The following ZNF638 variants were observed in gnomAD, a reference collection of about 807,000 sequenced individuals.
ZNF638 encodes the protein CTCL tumor antigen se33-1.
ZNF638 carries 46 observed loss-of-function variants against 195.6 expected under a neutral mutation model. The ratio of observed to expected loss-of-function variants is 0.24; its 90% CI spans 0.19 to 0.30. ZNF638 has a LOEUF of 0.30. Among genes scored for constraint, ZNF638 ranks in the 10% least tolerant of loss-of-function variants. ZNF638 has a pLI of 1.00. For missense variants in ZNF638, 2,440 were observed against 2,325.3 expected, an observed-to-expected ratio of 1.05 and a Z score of -1.01; for synonymous variants, 845 against 772.0, an observed-to-expected ratio of 1.09 and a Z score of -1.57.
In ZNF638 at chr2:71,380,276, T is replaced by A; in HGVS notation, c.2320T>A (p.Leu774Ile). The A allele has an allele frequency of 6.4e-7, 1 of 1,561,346 alleles. No homozygotes were observed. The highest frequency in any genetic ancestry group is 1.4e-5 in the African/African-American group (1 of 72,410). Residue 774 changes from leucine to isoleucine, a missense_variant, in exon 9 of 28, where the codon TTA becomes ATA. Physicochemically the swap from Leu to Ile is conservative, Grantham distance 5 (BLOSUM62 2). This residue lies in a region of ZNF638 where 1,883 missense variants were observed against 1,739.1 expected (regional missense o/e 1.08). Transcript: ENST00000264447. ...LESKKVSAST[L>I]KRDADASKAV... is the part of the protein sequence containing the mutation. Reference sequence around the variant, plus strand: ...GTCAAAGAAAGTATCTGCATCTACCTTAAAGTAAGTGACTTTATGATTTCA... The same window carrying A: ...GTCAAAGAAAGTATCTGCATCTACCATAAAGTAAGTGACTTTATGATTTCA...
chr2:71,403,876 A>G lies in ZNF638; in HGVS notation c.2836A>G (p.Ile946Val), dbSNP rs765009972. The part of the protein sequence containing the change: ...LILSSHKKAY[I>V]EINRKAAESM... Reference sequence around the variant, plus strand: ...TTAATTTCTGTTTTAAAAGGCATATATAGAAATAAATAGAAAAGCTGCTGA... The same window carrying G: ...TTAATTTCTGTTTTAAAAGGCATATGTAGAAATAAATAGAAAAGCTGCTGA... Residue 946 changes from isoleucine (I) to valine (V), a missense_variant, in exon 17 of 28, where the codon ATA becomes GTA. By Grantham distance (29) the Ile-to-Val change is conservative. Transcript: ENST00000264447. 53 of 1,563,030 alleles carry G rather than the reference A, an allele frequency of 3.4e-5. No individual in the cohort carries two copies. Among genetic ancestry groups the G allele is most frequent in the Non-Finnish European group, 8.7e-7 (1 of 1,146,920 alleles).
At position 71,427,097 on chromosome 2, in the gene ZNF638, G is replaced by A; in HGVS notation, c.5228G>A (p.Ser1743Asn). 1.9e-6 allele frequency: 3 copies of A among 1,614,150 alleles called. No individual in the cohort carries two copies. The highest frequency in any genetic ancestry group is 2.2e-5 in the South Asian group (2 of 91,078). ...LVTVDEIQDD[S>N]SDLHLVTLDE... ...ACTGTAGATGAAATACAAGATGACA[G>A]CAGTGATTTGCATTTAGTGACTTTG... Residue 1743 changes from serine to asparagine, a missense_variant, in exon 24 of 28, where the codon AGC becomes AAC. Around this residue, in one of 5 missense-constraint regions of ZNF638, gnomAD observed 1,883 missense variants for 1,739.1 expected, o/e 1.08. Transcript: ENST00000264447.
chr2:71,400,101 A>AT lies in ZNF638; in HGVS notation c.2588-8dup, dbSNP rs774848411. Reference sequence around the variant, plus strand: ...TTTTACTAGACTATTAAAGCAGACTATTTCATGCAGAAAACTCTGAAATAA... The same window carrying AT: ...TTTTACTAGACTATTAAAGCAGACTATTTTCATGCAGAAAACTCTGAAATAA... On this transcript the variant is annotated splice_polypyrimidine_tract_variant and intron_variant, in intron 13 of 27. Transcript: ENST00000264447. 22 of 1,597,148 alleles carry AT rather than the reference A, an allele frequency of 1.4e-5. No individual in the cohort carries two copies. The East Asian group carries it at 4.7e-4, about 34-fold the overall frequency.
At chr2:71,383,957 A>T (rs900818678) in intron 10 of ZNF638, among the ~76,000 whole-genome samples, 3 of 151,568 alleles carry the variant, frequency 2.0e-5, no homozygotes, top group Non-Finnish European at 4.4e-5. Flanking sequence ...CCTTACGTAC[A>T]TAAACTCTTC....
At chr2:71,357,692 G>T (rs977376245) in intron 3 of ZNF638, among the ~76,000 whole-genome samples, 3 of 151,942 alleles carry the variant, frequency 2.0e-5, no homozygotes, top group East Asian at 3.9e-4. Flanking sequence ...ATACATGTAG[G>T]ACCCTGATTT....
rs758202017 is a variant in ZNF638, at chr2:71,400,083, A to G, written c.2588-29A>G. The G allele has an allele frequency of 6.5e-6, 10 of 1,543,912 alleles. No individual in the cohort carries two copies. The South Asian group carries it at 1.2e-4, about 19-fold the overall frequency. ...AGTTTAATTATATTAGTGTTTTACT[A>G]GACTATTAAAGCAGACTATTTCATG... is the stretch of plus-strand genomic sequence containing the variant. On this transcript the variant is annotated intron_variant, in intron 13 of 27. Coordinates refer to ENST00000264447, the MANE Select transcript of ZNF638 (RefSeq NM_014497.5).
At chr2:71,369,718 CCTTAATCAAATTATA>C (rs1178127329) in intron 7 of ZNF638, among the ~76,000 whole-genome samples, 150 bp from the exon 8 acceptor site, 2 of 152,024 alleles carry the variant, frequency 1.3e-5, no homozygotes, top group South Asian at 4.2e-4. Flanking sequence ...TGTGAAACAT[CCTTAATCAAATTATA>C]CTTGACCAAA....
At chr2:71,401,692 CAG>C (rs949913484) in intron 15 of ZNF638, among the ~76,000 whole-genome samples, 2 of 150,820 alleles carry the variant, frequency 1.3e-5, no homozygotes, top group Admixed American at 1.3e-4. Flanking sequence ...AAAAAAAAAA[CAG>C]TGGGTGAAAA....
chr2:71,388,591 C>T (rs1201744362), intron 10 of ZNF638: 1 of 776,626 alleles, frequency 1.3e-6, no homozygotes, highest in African/African-American at 1.7e-5. Context: ...ATACCTGTGT[C>T]TGCGTACTTT....
chr2:71,335,125 CT>C (rs1206014083), intron 1 of ZNF638, among the ~76,000 whole-genome samples: 1 of 152,136 alleles, frequency 6.6e-6, no homozygotes, highest in Non-Finnish European at 1.5e-5. Flanking sequence ...CGGCCTCTAC[CT>C]CCTGGGTGCA....
Position 71,400,130 on chromosome 2 carries a change from C to G in ZNF638, c.2606C>G (p.Thr869Ser), listed in dbSNP as rs1389408367. The G allele has an allele frequency of 1.2e-6, 2 of 1,606,976 alleles. No homozygotes were observed. The highest frequency in any genetic ancestry group is 3.4e-5 in the Admixed American group (2 of 58,684). ...CATGCAGAAAACTCTGAAATAAAGA[C>G]CAGTATTGAAGTCAAAGCCACTGAA... is the stretch of plus-strand genomic sequence containing the variant. ...VTIPENSEIK[T>S]SIEVKATENC... The change falls in exon 14 of 28, where the codon ACC becomes AGC. Residue 869 changes from threonine to serine, a missense_variant. Around this residue, in one of 5 missense-constraint regions of ZNF638, gnomAD observed 1,883 missense variants for 1,739.1 expected, o/e 1.08. Transcript: ENST00000264447.
chr2:71,390,293 A>G (rs1249557614), intron 10 of ZNF638, among the ~76,000 whole-genome samples: 3 of 152,202 alleles, frequency 2.0e-5, no homozygotes, highest in Non-Finnish European at 4.4e-5. Flanking sequence ...CTCTCTCAGA[A>G]CAGCCACCTC....
rs370432734 is a variant in ZNF638, at chr2:71,422,780, T to G, written c.3300-34T>G. On this transcript the variant is annotated intron_variant, in intron 21 of 27. Transcript: ENST00000264447. ...TTTGATTTTTGTTTGTGTTTTTGTT[T>G]GTGTTCTTTTTGTTTGTTTTTAAAT... 2.5e-6 allele frequency: 4 copies of G among 1,575,348 alleles called. No homozygotes were observed. The South Asian group carries it at 4.7e-5, about 18-fold the overall frequency.
rs1284613840 is a variant in ZNF638, at chr2:71,334,521, A to T, written c.-203+2646A>T. 2.0e-5 allele frequency: 3 copies of T among 152,220 alleles called. No individual in the cohort carries two copies. The East Asian group carries it at 5.8e-4, about 29-fold the overall frequency. 9.4% of individuals were successfully genotyped at this position (152,220 alleles called of 1,614,324 possible). A position where few individuals can be genotyped will look rare whatever the true frequency, so the allele number is the denominator to read the frequency against. On this transcript the variant is annotated intron_variant, in intron 1 of 27. Coordinates refer to ENST00000264447, the MANE Select transcript of ZNF638 (RefSeq NM_014497.5). ...TTTAGTGTTTTGAAATTTGTGATGG[A>T]AAATTAAAATGGAAGGAAAATAAGT...
intron 5 of ZNF638, 124 bp downstream of exon 5, chr2:71,364,376 C>T: frequency 9.8e-7 from 1 of 1,019,946 alleles, no homozygotes; most frequent in Non-Finnish European, 1.4e-6. Context: ...TGAAATCTGA[C>T]CCACATGCCA....
chr2:71,411,672 G>C (rs1300399681), intron 20 of ZNF638, among the ~76,000 whole-genome samples: 10 of 98,084 alleles, frequency 1.0e-4, no homozygotes, highest in Admixed American at 9.2e-4. Flanking sequence ...TCCCCTTCCT[G>C]TGTCCATGTG....
chr2:71,341,206 T>C (rs1051611058), intron 1 of ZNF638, among the ~76,000 whole-genome samples: 1 of 152,242 alleles, frequency 6.6e-6, no homozygotes, highest in African/African-American at 2.4e-5. Flanking sequence ...ACCCAGTTTC[T>C]ACTATGTTTC....
In ZNF638 at chr2:71,350,336, A is replaced by G; in HGVS notation, c.1317+65A>G. ...CAGCGCCAGTTTTCTCTAAATTCTG[A>G]TATGTATGCTGCTTGTTAACTAGGC... On this transcript the variant is annotated intron_variant, in intron 2 of 27. Transcript: ENST00000264447. 2.7e-6 allele frequency: 4 copies of G among 1,474,154 alleles called. No individual in the cohort carries two copies. The South Asian group carries it at 3.8e-5, about 14-fold the overall frequency. The allele number at this position is 1,474,154 out of a possible 1,614,324, so 91.3% of individuals were successfully genotyped here.
chr2:71,387,039 G>A (rs1279672496), intron 10 of ZNF638, among the ~76,000 whole-genome samples: 1 of 151,648 alleles, frequency 6.6e-6, no homozygotes, highest in African/African-American at 2.4e-5. Flanking sequence ...TATACACTAA[G>A]TATAAAGAAT....
Sources: allele counts gnomAD v4.1 joint callset (sites outside exome capture counted in the v4.1 genomes callset), GRCh38; gene constraint gnomAD v4.1.1; regional missense constraint gnomAD v4.1.1; transcripts MANE v1.5; gene names NCBI Gene and HGNC (gene_info 2026-07-23, HGNC 2026-07-21).